Variants in PHAF1 observed in about 807,000 individuals in gnomAD.
PHAF1 encodes phagophore assembly factor 1, also known as phagosome assembly factor 1.
In PHAF1, 23 loss-of-function variants were observed where a neutral mutation model predicts 63.1. The ratio of observed to expected loss-of-function variants is 0.36; its 90% CI spans 0.26 to 0.52. The LOEUF (loss-of-function observed/expected upper bound fraction) is 0.52. PHAF1 is among the 20% of genes least tolerant of loss of function. PHAF1 has a pLI of 0.93. For missense variants in PHAF1, 427 were observed against 517.2 expected, an observed-to-expected ratio of 0.83 and a Z score of 1.69; for synonymous variants, 167 against 185.0, an observed-to-expected ratio of 0.90 and a Z score of 0.79.
intron 1 of PHAF1, among the ~76,000 whole-genome samples, chr16:67,115,205 C>G (rs1032039517): frequency 6.6e-6 from 1 of 152,178 alleles, no homozygotes; most frequent in Non-Finnish European, 1.5e-5. Context: ...GTGCCAGGCA[C>G]AGTGATTGGG....
Position 67,110,161 on chromosome 16 carries a change from A to G in PHAF1, c.-15A>G, listed in dbSNP as rs1365969622. ...CTGCCGCAGGGAGGCCGCCCGGGCC[A>G]GGCGAGCCGAACCAATGCTGGACCT... On this transcript the variant is annotated 5_prime_UTR_variant, in exon 1 of 16. Coordinates refer to ENST00000219139, the MANE Select transcript of PHAF1 (RefSeq NM_025187.5). 3 of 1,550,800 alleles carry G rather than the reference A, an allele frequency of 1.9e-6. No individual in the cohort carries two copies. Among genetic ancestry groups the G allele is most frequent in the Non-Finnish European group, 2.6e-6 (3 of 1,147,198 alleles).
rs144133892 is a variant in PHAF1, at chr16:67,140,073, A to T, written c.751A>T (p.Met251Leu). ...TGATTCCTGCCAAGATGTTCTTAGC[A>T]TGCTTGGCTCTCCACACAAAGTCTT... ...FGDSCQDVLS[M>L]LGSPHKVFYK... Residue 251 changes from methionine (M) to leucine (L), a missense_variant, in exon 9 of 16, where the codon ATG becomes TTG. Transcript: ENST00000219139. 12 of 1,614,042 alleles carry T rather than the reference A, an allele frequency of 7.4e-6. No homozygotes were observed. Among genetic ancestry groups the T allele is most frequent in the Non-Finnish European group, 9.3e-6 (11 of 1,180,022 alleles).
intron 1 of PHAF1, among the ~76,000 whole-genome samples, chr16:67,119,179 A>G (rs929489698): frequency 3.3e-5 from 5 of 152,212 alleles, no homozygotes; most frequent in Non-Finnish European, 5.9e-5. Flanking sequence ...GAAAGGACCT[A>G]TCTCAGGTCA....
chr16:67,120,134 A>G lies in PHAF1; in HGVS notation c.87A>G (p.Val29=), dbSNP rs759398936. 1.4e-5 allele frequency: 22 copies of G among 1,614,006 alleles called. No homozygotes were observed. The Admixed American group carries it at 2.3e-4, about 17-fold the overall frequency. ...CAGGAATGCCTCTGGCTCAGGCAGT[A>G]GCCATTCTTCAGAAGCACTGTCGCA... ...FTLGMPLAQA[V]AILQKHCRII... The change falls in exon 2 of 16, where the codon GTA becomes GTG. Residue 29 remains valine, a synonymous_variant. Transcript: ENST00000219139.
chr16:67,110,010 G>A lies in PHAF1; in HGVS notation c.-166G>A, dbSNP rs1232043821. The A allele has an allele frequency of 3.1e-6, 2 of 646,952 alleles. No homozygotes were observed. Among genetic ancestry groups the A allele is most frequent in the Non-Finnish European group, 5.4e-6 (2 of 372,840 alleles). The allele number at this position is 646,952 out of a possible 1,614,324, so 40.1% of individuals were successfully genotyped here. A position where few individuals can be genotyped will look rare whatever the true frequency, so the allele number is the denominator to read the frequency against. On this transcript the variant is annotated 5_prime_UTR_variant, in exon 1 of 16. The change creates a new upstream start codon in the 5' untranslated region. Coordinates refer to ENST00000219139, the MANE Select transcript of PHAF1 (RefSeq NM_025187.5). ...TGCAGGTGAGGTGAAGTGAGGTGAG[G>A]TGTGGTGTTGGGCCGGTGCTGCTGC...
intron 3 of PHAF1, among the ~76,000 whole-genome samples, chr16:67,129,522 A>G (rs1229433747): frequency 1.3e-5 from 2 of 152,260 alleles, no homozygotes; most frequent in African/African-American, 4.8e-5. Flanking sequence ...CGAACCTACT[A>G]TCTATTATGT....
At chr16:67,113,101 C>CAG (rs1012216589) in intron 1 of PHAF1, among the ~76,000 whole-genome samples, 1 of 152,138 alleles carries the variant, frequency 6.6e-6, no homozygotes, top group Non-Finnish European at 1.5e-5. Context: ...GGGACAGGCT[C>CAG]AGAGAGAGAG....
chr16:67,137,646 A>G (rs1054188111), intron 8 of PHAF1, among the ~76,000 whole-genome samples: 2 of 152,168 alleles, frequency 1.3e-5, no homozygotes, highest in African/African-American at 2.4e-5. Flanking sequence ...GAGAATTGAG[A>G]TGTGGCAGCA....
chr16:67,139,855 A>T (rs1963740851), intron 8 of PHAF1, 129 bp from the exon 9 acceptor site: 1 of 1,005,288 alleles, frequency 9.9e-7, no homozygotes, highest in South Asian at 1.5e-5. Flanking sequence ...GATGTTTCTG[A>T]TTGCATGCAG....
intron 3 of PHAF1, among the ~76,000 whole-genome samples, chr16:67,130,563 G>A (rs1380623452): frequency 6.8e-6 from 1 of 147,042 alleles, no homozygotes; most frequent in African/African-American, 2.5e-5. Flanking sequence ...TGGTCAGGCT[G>A]GTCTGGAACT....
intron 8 of PHAF1, among the ~76,000 whole-genome samples, chr16:67,138,106 T>C (rs796102178): frequency 2.6e-5 from 4 of 152,196 alleles, no homozygotes; most frequent in African/African-American, 9.6e-5. Flanking sequence ...CTGGATATAC[T>C]TCAAGCAGAG....
At chr16:67,130,304 C>G (rs1278916595) in intron 3 of PHAF1, among the ~76,000 whole-genome samples, 4 of 151,292 alleles carry the variant, frequency 2.6e-5, no homozygotes, top group African/African-American at 9.7e-5. Context: ...GCCTCGGCCT[C>G]CCAAAGTGCT....
Position 67,147,211 on chromosome 16 carries a change from G to T in PHAF1, c.*80G>T. 1 of 1,377,796 alleles carries T rather than the reference G, an allele frequency of 7.3e-7. No homozygotes were observed. Among genetic ancestry groups the T allele is most frequent in the Non-Finnish European group, 1.0e-6 (1 of 974,676 alleles). The allele number at this position is 1,377,796 out of a possible 1,614,324, so 85.3% of individuals were successfully genotyped here. On this transcript the variant is annotated 3_prime_UTR_variant, in exon 16 of 16. Coordinates refer to ENST00000219139, the MANE Select transcript of PHAF1 (RefSeq NM_025187.5). ...CAGTGGGCCTCTGTACCACCCTGTGGGTTTTCTTGGACACCTGGCCAGTGC... is the reference window on the plus strand; with the variant it reads ...CAGTGGGCCTCTGTACCACCCTGTGTGTTTTCTTGGACACCTGGCCAGTGC...
rs1597220875 is a variant in PHAF1 at position 67,146,269 on chromosome 16, T to C, written c.1110-9T>C. ...TCTGCCTCTCTAATTCTGAATTCTT[T>C]GGCCTCAGGTCTTCCTCCCCAAACA... On this transcript the variant is annotated splice_polypyrimidine_tract_variant and intron_variant, in intron 14 of 15. Transcript: ENST00000219139. 3 of 1,612,574 alleles carry C rather than the reference T, an allele frequency of 1.9e-6. No homozygotes were observed. Among genetic ancestry groups the C allele is most frequent in the Non-Finnish European group, 2.5e-6 (3 of 1,178,634 alleles).
intron 8 of PHAF1, chr16:67,136,246 G>A (rs1311600983): frequency 6.6e-6 from 1 of 152,196 alleles, no homozygotes; most frequent in Admixed American, 6.6e-5. Flanking sequence ...GGAGGTTGCA[G>A]TGAGCTGAGA....
intron 3 of PHAF1, among the ~76,000 whole-genome samples, chr16:67,130,038 G>A (rs1158743064): frequency 6.6e-6 from 1 of 152,092 alleles, no homozygotes; most frequent in East Asian, 1.9e-4. Flanking sequence ...TTCAAAATAA[G>A]CTATTTTCTT....
At chr16:67,113,208 A>G (rs762253572) in intron 1 of PHAF1, among the ~76,000 whole-genome samples, 30 of 152,188 alleles carry the variant, frequency 2.0e-4, no homozygotes, top group Non-Finnish European at 4.3e-4. Context: ...TCTTATTGGA[A>G]TCTGTGCAAA....
At chr16:67,133,989 A>G (rs1038358497) in intron 6 of PHAF1, among the ~76,000 whole-genome samples, 179 bp from the exon 7 acceptor site, 5 of 151,910 alleles carry the variant, frequency 3.3e-5, no homozygotes, top group African/African-American at 1.2e-4. Flanking sequence ...GCAGAATTAA[A>G]GGTGGACTTA....
intron 2 of PHAF1, 85 bp from the exon 3 acceptor site, chr16:67,125,874 G>A (rs1023268715): frequency 5.2e-6 from 5 of 964,306 alleles, no homozygotes; most frequent in Non-Finnish European, 8.2e-6. Context: ...TATTCCTTGT[G>A]TGTTGCATTT....
Sources: gnomAD v4.1 joint callset for allele counts (sites outside exome capture counted in the v4.1 genomes callset) on GRCh38, gnomAD v4.1.1 for gene constraint, MANE v1.5 for transcripts, NCBI Gene and HGNC (gene_info 2026-07-23, HGNC 2026-07-21) for gene names.